The following KAZN variants were observed in gnomAD, a reference collection of about 807,000 sequenced individuals.
The protein encoded by KAZN is kazrin, periplakin interacting protein.
Under a neutral mutation model 87.4 loss-of-function variants are expected in KAZN, and 40 were observed. The observed-to-expected ratio is 0.46, with a 90% CI of 0.36 to 0.60. KAZN has a LOEUF of 0.60. Ranked by LOEUF, KAZN falls within the 20% of genes least tolerant of loss-of-function variation. The probability of loss-of-function intolerance (pLI) is 0.00; values close to 1 mark genes in which losing one functional copy is unlikely to be tolerated. For synonymous variants in KAZN, 466 were observed against 458.3 expected (o/e 1.02, Z -0.22); for missense variants, 898 against 1,073.9 (o/e 0.84, Z 2.29).
At chr1:14,156,162 T>C (rs181104479) in intron 1 of KAZN, among the ~76,000 whole-genome samples, 110 of 152,360 alleles carry the variant, frequency 7.2e-4, no homozygotes, top group African/African-American at 2.6e-3. Flanking sequence ...CTCCTCTTGT[T>C]ATTGATTTCT....
intron 2 of KAZN, among the ~76,000 whole-genome samples, chr1:14,415,763 T>C (rs934474424): frequency 3.3e-5 from 5 of 152,174 alleles, no homozygotes; most frequent in African/African-American, 4.8e-5. Context: ...TTCCCTTCCC[T>C]GACTCCCTTC....
At chr1:14,938,198 G>A (rs948089644) in intron 1 of KAZN, among the ~76,000 whole-genome samples, 1 of 152,082 alleles carries the variant, frequency 6.6e-6, no homozygotes, top group African/African-American at 2.4e-5. Flanking sequence ...GTAAATTGGG[G>A]TGCTAGCCCT....
chr1:14,309,292 A>C (rs1016005287), intron 2 of KAZN, among the ~76,000 whole-genome samples: 1 of 152,270 alleles, frequency 6.6e-6, no homozygotes, highest in Non-Finnish European at 1.5e-5. Context: ...TCAGAGAATT[A>C]TCAATTAATA....
chr1:14,417,797 C>T (rs1664928060), intron 2 of KAZN, among the ~76,000 whole-genome samples: 1 of 151,634 alleles, frequency 6.6e-6, no homozygotes, highest in Non-Finnish European at 1.5e-5. Flanking sequence ...GAGATCAAGA[C>T]CATCCTGGCT....
intron 1 of KAZN, among the ~76,000 whole-genome samples, chr1:14,829,544 TG>T (rs796154124): frequency 8.8e-4 from 134 of 152,302 alleles, no homozygotes; most frequent in Middle Eastern, 3.4e-3. Context: ...TACTCCAGCC[TG>T]GGTGACAGAG....
intron 2 of KAZN, among the ~76,000 whole-genome samples, chr1:14,435,710 C>T (rs966101747): frequency 6.6e-6 from 1 of 152,176 alleles, no homozygotes; most frequent in African/African-American, 2.4e-5. Context: ...GATCTTTAAA[C>T]CGCAGCTACC....
chr1:14,417,086 G>A (rs1394527878), intron 2 of KAZN, among the ~76,000 whole-genome samples: 1 of 151,380 alleles, frequency 6.6e-6, no homozygotes, highest in Admixed American at 6.6e-5. Context: ...CAGCTACTCA[G>A]GAGGCTGAGG....
intron 10 of KAZN, among the ~76,000 whole-genome samples, chr1:15,097,761 T>A (rs1329390419): frequency 2.6e-5 from 4 of 152,096 alleles, no homozygotes; most frequent in Non-Finnish European, 5.9e-5. Flanking sequence ...GAGGTTGCAG[T>A]GAGCCGAGAC....
intron 1 of KAZN, among the ~76,000 whole-genome samples, chr1:13,910,840 A>C (rs1219794734): frequency 6.6e-6 from 1 of 152,154 alleles, no homozygotes; most frequent in East Asian, 1.9e-4. Flanking sequence ...GCACTGCTAT[A>C]AAGAAATACC....
At chr1:14,492,380 C>T (rs908463487) in intron 2 of KAZN, among the ~76,000 whole-genome samples, 5 of 152,004 alleles carry the variant, frequency 3.3e-5, no homozygotes, top group Non-Finnish European at 1.5e-5. Flanking sequence ...CTGCTTCACT[C>T]ATTCACTCAT....
chr1:14,894,766 A>C lies in KAZN; in HGVS notation c.227-65918A>C, dbSNP rs111943471. ...AATGGATGAATGAATGAATGAATGA[A>C]TCTCCTTGCAGATTTCTCCAGGGTC... On this transcript the variant is annotated intron_variant, in intron 1 of 14. Coordinates refer to ENST00000376030, the MANE Select transcript of KAZN (RefSeq NM_201628.3). Among the ~76,000 whole-genome samples, 10 of 152,364 alleles carry C rather than the reference A, an allele frequency of 6.6e-5. 1 individual carries two copies. Among genetic ancestry groups the C allele is most frequent in the African/African-American group, 2.4e-4 (10 of 41,586 alleles).
intron 2 of KAZN, among the ~76,000 whole-genome samples, chr1:14,280,265 G>A (rs1329159011): frequency 6.6e-6 from 1 of 151,074 alleles, no homozygotes; most frequent in Non-Finnish European, 1.5e-5. Context: ...AGGAGGCTGT[G>A]GCAGGAGAAT....
chr1:14,228,356 A>G (rs544203575), intron 2 of KAZN, among the ~76,000 whole-genome samples: 32 of 152,296 alleles, frequency 2.1e-4, no homozygotes, highest in African/African-American at 7.7e-4. Flanking sequence ...AAGCTTAAAT[A>G]ATCTATATAG....
chr1:14,298,873 C>T (rs183635695), intron 2 of KAZN, among the ~76,000 whole-genome samples: 1 of 152,286 alleles, frequency 6.6e-6, no homozygotes, highest in African/African-American at 2.4e-5. Flanking sequence ...AACATTTTCC[C>T]TACCTACACT....
intron 7 of KAZN, among the ~76,000 whole-genome samples, chr1:15,065,027 C>CTTTTTTTTTTTTTTTTTTTTTTTTTTT (rs780410306): frequency 9.7e-6 from 1 of 102,740 alleles, no homozygotes; most frequent in Non-Finnish European, 1.8e-5. Context: ...CTTTTTCTTT[C>CTTTTTTTTTTTTTTTTTTTTTTTTTTT]TTTTTTTTTT....
At chr1:14,825,061 T>A (rs61772308) in intron 1 of KAZN, among the ~76,000 whole-genome samples, 10,158 of 152,264 alleles carry the variant, frequency 0.067, 426 homozygotes, top group Middle Eastern at 0.14. Flanking sequence ...AAGCCGGGGG[T>A]TCACCCACAG....
intron 2 of KAZN, among the ~76,000 whole-genome samples, chr1:14,487,788 G>T (rs1669425586): frequency 6.6e-6 from 1 of 152,190 alleles, no homozygotes; most frequent in Non-Finnish European, 1.5e-5. Flanking sequence ...GGTGAGCCTG[G>T]ACAACATTTG....
chr1:13,908,641 A>G (rs1354755835), intron 1 of KAZN, among the ~76,000 whole-genome samples: 2 of 152,224 alleles, frequency 1.3e-5, no homozygotes, highest in Non-Finnish European at 2.9e-5. Flanking sequence ...GAAGGCATTG[A>G]TCACTGATAA....
chr1:15,070,980 C>G (rs1389765601), intron 8 of KAZN, among the ~76,000 whole-genome samples: 1 of 152,226 alleles, frequency 6.6e-6, no homozygotes, highest in Non-Finnish European at 1.5e-5. Flanking sequence ...CCCTGGCCCC[C>G]ACCTGTTCCC....
Sources: gnomAD v4.1 joint callset for allele counts (sites outside exome capture counted in the v4.1 genomes callset) on GRCh38, gnomAD v4.1.1 for gene constraint, MANE v1.5 for transcripts, NCBI Gene and HGNC (gene_info 2026-07-23, HGNC 2026-07-21) for gene names.